Variants in OVCH1 observed in about 807,000 individuals in gnomAD.
OVCH1 encodes the protein ovochymase 1.
OVCH1 carries 139 observed loss-of-function variants against 138.4 expected under a neutral mutation model. The ratio of observed to expected loss-of-function variants is 1.00; its 90% CI spans 0.87 to 1.16. The LOEUF is 1.16. OVCH1 is among the 50% of genes most tolerant of loss of function. The pLI is 0.00. For missense variants in OVCH1, 1,367 were observed against 1,357.9 expected (o/e 1.01, Z -0.11); for synonymous variants, 453 against 467.8 (o/e 0.97, Z 0.41).
rs1032154387 is a variant in OVCH1 at position 29,477,024 on chromosome 12, C to T, written c.1377+78G>A. On this transcript the variant is annotated intron_variant, in intron 12 of 27. Transcript: ENST00000318184. ...GCTCCTAGTCATAATGGCAATTTAA[C>T]AATCCAGATGAATTAAGTTCTGCCT... 2.1e-6 allele frequency: 3 copies of T among 1,397,436 alleles called. No individual in the cohort carries two copies. In the African/African-American group the frequency reaches 4.3e-5, roughly 20 times the overall value. 86.6% of individuals were successfully genotyped at this position (1,397,436 alleles called of 1,614,324 possible). A position where few individuals can be genotyped will look rare whatever the true frequency, so the allele number is the denominator to read the frequency against.
intron 27 of OVCH1, among the ~76,000 whole-genome samples, chr12:29,433,325 G>T (rs565959827): frequency 6.6e-6 from 1 of 152,102 alleles, no homozygotes; most frequent in African/African-American, 2.4e-5. Context: ...CACAAGATCT[G>T]ATGGTTTTAT....
intron 19 of OVCH1, among the ~76,000 whole-genome samples, chr12:29,461,244 G>T (rs1305513767): frequency 6.6e-6 from 1 of 152,310 alleles, no homozygotes. Context: ...TAGGCACACG[G>T]AGTGTTAGGA....
At position 29,473,104 on chromosome 12, in the gene OVCH1, CTG is replaced by C; in HGVS notation, c.1601-3_1601-2del. On this transcript the variant is annotated splice_acceptor_variant and splice_polypyrimidine_tract_variant and intron_variant, in intron 14 of 27. Transcript: ENST00000318184. LOFTEE classifies it high-confidence loss of function. ...TTTGGTTCAAATTTGTTTAAAGACT[CTG>C]TAGAAGAAAAAAAAATTAATTGAAA... 1 of 1,590,820 alleles carries C rather than the reference CTG, an allele frequency of 6.3e-7. No individual in the cohort carries two copies. Among genetic ancestry groups the C allele is most frequent in the Non-Finnish European group, 8.6e-7 (1 of 1,166,674 alleles).
downstream of OVCH1, among the ~76,000 whole-genome samples, chr12:29,409,880 A>G (rs1216403633): frequency 1.3e-5 from 2 of 152,050 alleles, no homozygotes; most frequent in African/African-American, 2.4e-5. Context: ...TTTCTGTCTC[A>G]TCGATCTGTC....
intron 3 of OVCH1, among the ~76,000 whole-genome samples, chr12:29,415,653 A>G (rs550541039): frequency 1.8e-4 from 28 of 152,328 alleles, no homozygotes; most frequent in East Asian, 1.5e-3. Context: ...GATGGAAATC[A>G]AAGAAGATCT....
intron 8 of OVCH1, among the ~76,000 whole-genome samples, chr12:29,482,615 T>G (rs1942969449): frequency 6.6e-6 from 1 of 152,230 alleles, no homozygotes; most frequent in Admixed American, 6.5e-5. Context: ...AGAAATTTGT[T>G]GATTATTTGG....
chr12:29,432,724 G>A (rs190906899), intron 27 of OVCH1, among the ~76,000 whole-genome samples: 3 of 152,244 alleles, frequency 2.0e-5, no homozygotes, highest in African/African-American at 7.2e-5. Flanking sequence ...GGTAAAGAAA[G>A]GAAGAGAGTC....
At chr12:29,497,472 T>G in intron 1 of OVCH1, 151 bp downstream of exon 1, 1 of 927,574 alleles carries the variant, frequency 1.1e-6, no homozygotes, top group Non-Finnish European at 1.6e-6. Context: ...TGGGGACATC[T>G]GAGCATGCAC....
intron 3 of OVCH1, among the ~76,000 whole-genome samples, chr12:29,415,048 G>A (rs56808425): frequency 0.21 from 32,647 of 152,048 alleles, 4,601 homozygotes; most frequent in African/African-American, 0.41. Flanking sequence ...CAGGTGGGAA[G>A]TGTCTTGTCT....
At chr12:29,446,105 A>T (rs866295104) in intron 22 of OVCH1, among the ~76,000 whole-genome samples, 1 of 152,030 alleles carries the variant, frequency 6.6e-6, no homozygotes, top group Middle Eastern at 3.2e-3. Flanking sequence ...TCTTCCATTT[A>T]AGATAGCATA....
At chr12:29,415,164 ATGTTACTGT>A (rs1941015958) in intron 3 of OVCH1, among the ~76,000 whole-genome samples, 1 of 152,178 alleles carries the variant, frequency 6.6e-6, no homozygotes. Flanking sequence ...ACAAAATCTT[ATGTTACTGT>A]TGGTATCAGG....
intron 12 of OVCH1, among the ~76,000 whole-genome samples, chr12:29,476,582 A>G (rs1220271645): frequency 1.3e-5 from 2 of 152,172 alleles, no homozygotes; most frequent in Non-Finnish European, 2.9e-5. Flanking sequence ...GCATGACCAA[A>G]GACTGGAAGC....
In OVCH1 at chr12:29,476,359, G is replaced by C. The variant is rs1483148783; in HGVS notation, c.1378-60C>G. On this transcript the variant is annotated intron_variant, in intron 12 of 27. Transcript: ENST00000318184. ...AAAGAAGAGAAGAGAGAAGCTTAAAGGGTTTTCCTCTGTGTATTTAAAGGC... is the reference window on the plus strand; with the variant it reads ...AAAGAAGAGAAGAGAGAAGCTTAAACGGTTTTCCTCTGTGTATTTAAAGGC... 6.5e-6 allele frequency: 9 copies of C among 1,375,844 alleles called. No individual in the cohort carries two copies. In the East Asian group the frequency reaches 1.6e-4, roughly 24 times the overall value. 85.2% of individuals were successfully genotyped at this position (1,375,844 alleles called of 1,614,324 possible).
intron 18 of OVCH1, among the ~76,000 whole-genome samples, chr12:29,463,428 AAGAG>A (rs2076201438): frequency 6.6e-6 from 1 of 152,170 alleles, no homozygotes; most frequent in South Asian, 2.1e-4. Context: ...CTTGGTGTTT[AAGAG>A]AAAGAAGAAA....
intron 27 of OVCH1, among the ~76,000 whole-genome samples, chr12:29,428,665 T>C (rs1941218552): frequency 6.6e-6 from 1 of 152,174 alleles, no homozygotes; most frequent in Admixed American, 6.6e-5. Flanking sequence ...ACTTTGGAAC[T>C]TCAAAGCAAA....
chr12:29,463,837 G>A (rs986251792), intron 18 of OVCH1, among the ~76,000 whole-genome samples: 2 of 152,146 alleles, frequency 1.3e-5, no homozygotes, highest in African/African-American at 4.8e-5. Context: ...CAAGCTCACA[G>A]ATTCCAAATA....
At chr12:29,455,100 C>G in intron 20 of OVCH1, 149 bp downstream of exon 20, 1 of 1,141,872 alleles carries the variant, frequency 8.8e-7, no homozygotes, top group Non-Finnish European at 1.2e-6. Flanking sequence ...ACTTATTTTG[C>G]AGAATCTTGC....
intron 8 of OVCH1, among the ~76,000 whole-genome samples, chr12:29,481,340 T>C (rs1021878892): frequency 2.0e-5 from 3 of 152,266 alleles, no homozygotes; most frequent in African/African-American, 7.2e-5. Flanking sequence ...ATGAATTTTT[T>C]TGTCTTGATT....
intron 8 of OVCH1, among the ~76,000 whole-genome samples, 151 bp downstream of exon 9, chr12:29,484,562 G>T (rs1214023338): frequency 6.6e-6 from 1 of 152,124 alleles, no homozygotes; most frequent in Admixed American, 6.5e-5. Flanking sequence ...CGCTGGGGTG[G>T]GAAGATCCCT....
Sources: gnomAD v4.1 joint callset for allele counts (sites outside exome capture counted in the v4.1 genomes callset) on GRCh38, gnomAD v4.1.1 for gene constraint, MANE v1.5 for transcripts, NCBI Gene and HGNC (gene_info 2026-07-23, HGNC 2026-07-21) for gene names.